The following PNPLA3 variants were observed in gnomAD, a reference collection of about 807,000 sequenced individuals.
PNPLA3 encodes the protein patatin like domain 3, 1-acylglycerol-3-phosphate O-acyltransferase.
A neutral mutation model predicts 43.1 loss-of-function variants in PNPLA3; 42 were observed. That is an observed-to-expected ratio of 0.97 (90% CI 0.76 to 1.26). The LOEUF (loss-of-function observed/expected upper bound fraction) is 1.26, where lower values mean the gene tolerates loss of function less well. Among genes scored for constraint, PNPLA3 ranks in the 50% most tolerant of loss-of-function variants. PNPLA3 has a pLI of 0.00. For missense variants in PNPLA3, 647 were observed against 621.4 expected (o/e 1.04, Z -0.44); for synonymous variants, 272 against 253.6 (o/e 1.07, Z -0.69).
At chr22:43,938,451 G>GCTCA (rs2050010139) in intron 6 of PNPLA3, among the ~76,000 whole-genome samples, 1 of 152,168 alleles carries the variant, frequency 6.6e-6, no homozygotes, top group Admixed American at 6.5e-5. Flanking sequence ...GCTGGCATCT[G>GCTCA]CTCAGCTTCT....
At chr22:43,932,312 G>A (rs1477158948) in intron 3 of PNPLA3, among the ~76,000 whole-genome samples, 2 of 152,174 alleles carry the variant, frequency 1.3e-5, no homozygotes, top group Non-Finnish European at 2.9e-5. Flanking sequence ...CAGGTTCATT[G>A]TTTCATTTAA....
intron 6 of PNPLA3, 134 bp downstream of exon 6, chr22:43,937,406 T>C: frequency 1.2e-6 from 1 of 801,684 alleles, no homozygotes; most frequent in South Asian, 1.7e-5. Flanking sequence ...TCTCCTTCCA[T>C]GTGTACAGCC....
intron 6 of PNPLA3, among the ~76,000 whole-genome samples, chr22:43,939,670 G>T (rs2050018530): frequency 6.6e-6 from 1 of 152,198 alleles, no homozygotes; most frequent in Non-Finnish European, 1.5e-5. Context: ...CAAAAAATTA[G>T]CTGGGCATGG....
Position 43,934,481 on chromosome 22 carries a change from G to A in PNPLA3, c.697-125G>A, listed in dbSNP as rs1424637023. 3 of 965,924 alleles carry A rather than the reference G, an allele frequency of 3.1e-6. No homozygotes were observed. In the African/African-American group the frequency reaches 4.8e-5, roughly 16 times the overall value. The allele number at this position is 965,924 out of a possible 1,614,324, so 59.8% of individuals were successfully genotyped here. On this transcript the variant is annotated intron_variant, in intron 4 of 8. Coordinates refer to ENST00000216180, the MANE Select transcript of PNPLA3 (RefSeq NM_025225.3). Reference sequence around the variant, plus strand: ...TTGCTCAGCCCCCAGGTGGCTCAGTGCCCCCAGCCAGCAGACTCAGAGCTT... The same window carrying A: ...TTGCTCAGCCCCCAGGTGGCTCAGTACCCCCAGCCAGCAGACTCAGAGCTT...
chr22:43,946,023 T>C (rs1309382520), intron 8 of PNPLA3, 131 bp from the exon 9 acceptor site: 11 of 826,172 alleles, frequency 1.3e-5, no homozygotes, highest in Non-Finnish European at 2.2e-5. Context: ...AAGCTGTGTC[T>C]CTGGCTGTGA....
chr22:43,945,621 C>T (rs2050057947), intron 8 of PNPLA3, among the ~76,000 whole-genome samples: 1 of 152,130 alleles, frequency 6.6e-6, no homozygotes, highest in South Asian at 2.1e-4. Context: ...TGCAAAGATC[C>T]GATTTGCTAG....
At position 43,923,918 on chromosome 22, in the gene PNPLA3, G is replaced by C. The variant is rs770541521; in HGVS notation, c.7G>C (p.Asp3His). The change falls in exon 1 of 9, where the codon GAC becomes CAC. Residue 3 changes from aspartate (D) to histidine (H), a missense_variant. By Grantham distance (81) the Asp-to-His change is moderately conservative. Coordinates refer to ENST00000216180, the MANE Select transcript of PNPLA3 (RefSeq NM_025225.3). ...CCGCCCCGCCGCCGCCGCCATGTAC[G>C]ACGCAGAGCGCGGCTGGAGCTTGTC... MY[D>H]AERGWSLSFA... 1 of 1,560,828 alleles carries C rather than the reference G, an allele frequency of 6.4e-7. No individual in the cohort carries two copies. The highest frequency in any genetic ancestry group is 1.2e-5 in the South Asian group (1 of 85,890).
chr22:43,941,312 C>CCTCTGATTGGGCTTT (rs2050029579), intron 7 of PNPLA3, among the ~76,000 whole-genome samples: 1 of 150,614 alleles, frequency 6.6e-6, no homozygotes, highest in Non-Finnish European at 1.5e-5. Context: ...GATTGGGTTT[C>CCTCTGATTGGGCTTT]CTCTGATTGG....
chr22:43,946,087 C>G, intron 8 of PNPLA3, 67 bp from the exon 9 acceptor site: 1 of 1,467,908 alleles, frequency 6.8e-7, no homozygotes, highest in Non-Finnish European at 9.5e-7. Context: ...GTGGGTCCAC[C>G]GTAGCTCAGA....
rs769300963 is a variant in PNPLA3, at chr22:43,937,289, G to A, written c.979+17G>A. On this transcript the variant is annotated intron_variant, in intron 6 of 8. Coordinates refer to ENST00000216180, the MANE Select transcript of PNPLA3 (RefSeq NM_025225.3). Reference sequence around the variant, plus strand: ...TCGCTACAGGTACCCACTCCTCGGGGTGAGCACGGGCAGCACCTTGTTTTC... The same window carrying A: ...TCGCTACAGGTACCCACTCCTCGGGATGAGCACGGGCAGCACCTTGTTTTC... The A allele has an allele frequency of 6.2e-6, 10 of 1,608,738 alleles. No individual in the cohort carries two copies. Among genetic ancestry groups the A allele is most frequent in the Middle Eastern group, 1.7e-4 (1 of 5,938 alleles).
chr22:43,937,875 C>A (rs2050006115), intron 6 of PNPLA3, among the ~76,000 whole-genome samples: 1 of 152,126 alleles, frequency 6.6e-6, no homozygotes, highest in Non-Finnish European at 1.5e-5. Context: ...TTGTGTACCC[C>A]CCAGAATTTG....
At position 43,932,867 on chromosome 22, in the gene PNPLA3, T is replaced by C; in HGVS notation, c.487-11T>C. ...CAGACAGTGCCAGTCCTTTTTCCCC[T>C]TCTTTAAAAGCGATATGTGGATGGA... On this transcript the variant is annotated splice_polypyrimidine_tract_variant and intron_variant, in intron 3 of 8. Transcript: ENST00000216180. 1.2e-6 allele frequency: 2 copies of C among 1,613,786 alleles called. No individual in the cohort carries two copies. Among genetic ancestry groups the C allele is most frequent in the Non-Finnish European group, 1.7e-6 (2 of 1,179,656 alleles).
intron 1 of PNPLA3, among the ~76,000 whole-genome samples, chr22:43,925,715 G>A (rs1170362676): frequency 1.3e-5 from 2 of 152,182 alleles, no homozygotes; most frequent in Admixed American, 6.5e-5. Context: ...ACGAAATGTG[G>A]CCTCCAGGAG....
At chr22:43,927,229 TG>T (rs2049929957) in intron 2 of PNPLA3, 62 bp downstream of exon 2, 1 of 1,489,322 alleles carries the variant, frequency 6.7e-7, no homozygotes, top group East Asian at 2.3e-5. Flanking sequence ...ATGGGTGTGG[TG>T]GCTCATGCCT....
At chr22:43,925,759 G>C (rs541333343) in intron 1 of PNPLA3, among the ~76,000 whole-genome samples, 25 of 152,328 alleles carry the variant, frequency 1.6e-4, no homozygotes, top group Admixed American at 1.6e-3. Flanking sequence ...TGCACACCCT[G>C]GGGTTTAGCA....
Position 43,927,094 on chromosome 22 carries a change from T to A in PNPLA3, c.347T>A (p.Ile116Asn), listed in dbSNP as rs1426992970. Residue 116 changes from isoleucine to asparagine, a missense_variant, in exon 2 of 9, where the codon ATC becomes AAC. Transcript: ENST00000216180. ...CAGCTCATCTCCGGCAAAATAGGCA[T>A]CTCTCTTACCAGAGTGTCTGATGGG... ...VHQLISGKIG[I>N]SLTRVSDGEN... 1 of 1,614,112 alleles carries A rather than the reference T, an allele frequency of 6.2e-7. No individual in the cohort carries two copies. The highest frequency in any genetic ancestry group is 8.5e-7 in the Non-Finnish European group (1 of 1,180,050).
intron 4 of PNPLA3, among the ~76,000 whole-genome samples, chr22:43,934,242 C>T (rs561275452): frequency 3.3e-5 from 5 of 150,070 alleles, no homozygotes; most frequent in South Asian, 2.1e-4. Context: ...GCTTGAACCT[C>T]GGAAGTGGAG....
At chr22:43,940,572 G>C (rs1279619080) in intron 7 of PNPLA3, among the ~76,000 whole-genome samples, 1 of 152,238 alleles carries the variant, frequency 6.6e-6, no homozygotes, top group Admixed American at 6.5e-5. Flanking sequence ...ATTTTGGGAG[G>C]CCAAGGTGGG....
chr22:43,943,371 C>T lies in PNPLA3; in HGVS notation c.1113-1320C>T, dbSNP rs373779884. Among the ~76,000 whole-genome samples, 19 of 152,228 alleles carry T rather than the reference C, an allele frequency of 1.2e-4. No individual in the cohort carries two copies. In the South Asian group the frequency reaches 3.3e-3, roughly 27 times the overall value. On this transcript the variant is annotated intron_variant, in intron 7 of 8. Coordinates refer to ENST00000216180, the MANE Select transcript of PNPLA3 (RefSeq NM_025225.3). Reference sequence around the variant, plus strand: ...TAGGTGCATCACCTGGCAGAGCTCCCAGACAGTGACAGGCAGGCTGCGGGA... The same window carrying T: ...TAGGTGCATCACCTGGCAGAGCTCCTAGACAGTGACAGGCAGGCTGCGGGA...
Sources: gnomAD v4.1 joint callset for allele counts (sites outside exome capture counted in the v4.1 genomes callset) on GRCh38, gnomAD v4.1.1 for gene constraint, MANE v1.5 for transcripts, NCBI Gene and HGNC (gene_info 2026-07-23, HGNC 2026-07-21) for gene names.